The following STIMATE variants were observed in gnomAD, a reference collection of about 807,000 sequenced individuals.
The protein encoded by STIMATE is store-operated calcium entry regulator STIMATE.
In STIMATE, 15 loss-of-function variants were observed where a neutral mutation model predicts 36.7. The ratio of observed to expected loss-of-function variants is 0.41; its 90% CI spans 0.27 to 0.63. STIMATE has a LOEUF of 0.63. Among genes scored for constraint, STIMATE ranks in the 20% least tolerant of loss-of-function variants. STIMATE has a pLI of 0.32. For missense variants in STIMATE, 305 were observed against 397.3 expected (o/e 0.77, Z 1.98); for synonymous variants, 163 against 162.3 (o/e 1.00, Z -0.03).
rs6445539 is a variant in STIMATE, at chr3:52,840,280, G to A, written c.*214C>T. The A allele has an allele frequency of 0.24, 123,182 of 508,722 alleles. 16,350 individuals carry two copies. The highest frequency in any genetic ancestry group is 0.39 in the Admixed American group (11,342 of 28,790). The allele number at this position is 508,722 out of a possible 1,614,324, so 31.5% of individuals were successfully genotyped here. ...AGTGTTTGTAGTGCAACTGAATGGGGACCTCCAGCCGCCAGTGGCCCCCTC... is the reference window on the plus strand; with the variant it reads ...AGTGTTTGTAGTGCAACTGAATGGGAACCTCCAGCCGCCAGTGGCCCCCTC... On this transcript the variant is annotated 3_prime_UTR_variant, in exon 8 of 8. Coordinates refer to ENST00000355083, the MANE Select transcript of STIMATE (RefSeq NM_198563.5).
intron 1 of STIMATE, among the ~76,000 whole-genome samples, chr3:52,896,812 T>G (rs1701871657): frequency 6.6e-6 from 1 of 151,924 alleles, no homozygotes; most frequent in African/African-American, 2.4e-5. Context: ...CTCCAGGTGT[T>G]GAGAGGGATG....
chr3:52,857,981 A>G (rs1259257478), intron 1 of STIMATE, among the ~76,000 whole-genome samples: 2 of 152,172 alleles, frequency 1.3e-5, no homozygotes, highest in African/African-American at 4.8e-5. Context: ...AGATTAGGAC[A>G]CAGATGTGTG....
intron 1 of STIMATE, among the ~76,000 whole-genome samples, chr3:52,866,500 G>A (rs1468259968): frequency 6.6e-6 from 1 of 152,196 alleles, no homozygotes; most frequent in Middle Eastern, 3.2e-3. Context: ...GGGTGTGGTG[G>A]TGCTCACTCT....
intron 1 of STIMATE, among the ~76,000 whole-genome samples, chr3:52,894,266 A>G (rs558824186): frequency 1.2e-4 from 18 of 152,284 alleles, no homozygotes; most frequent in South Asian, 4.1e-4. Context: ...TGGAGCCTCT[A>G]GGAAGCCCGC....
At chr3:52,845,049 C>CAT in intron 4 of STIMATE, 108 bp from the exon 5 acceptor site, 1 of 1,106,642 alleles carries the variant, frequency 9.0e-7, no homozygotes, top group Non-Finnish European at 1.3e-6. Context: ...CTCTAAAGCT[C>CAT]TAAAGGTACT....
At chr3:52,874,489 TGA>T (rs1199969020) in intron 1 of STIMATE, among the ~76,000 whole-genome samples, 3 of 152,250 alleles carry the variant, frequency 2.0e-5, no homozygotes, top group African/African-American at 7.2e-5. Context: ...TACAGTGAAC[TGA>T]ACTTTCACTT....
At chr3:52,844,672 G>A (rs1700862878) in intron 5 of STIMATE, among the ~76,000 whole-genome samples, 157 bp downstream of exon 5, 1 of 152,192 alleles carries the variant, frequency 6.6e-6, no homozygotes, top group Non-Finnish European at 1.5e-5. Context: ...GAATTGACAA[G>A]CTCTTTGGAG....
Position 52,840,378 on chromosome 3 carries a change from A to G in STIMATE, c.*116T>C. On this transcript the variant is annotated 3_prime_UTR_variant, in exon 8 of 8. Coordinates refer to ENST00000355083, the MANE Select transcript of STIMATE (RefSeq NM_198563.5). ...CAGGCGAGAGCGGGCAGAGACAGCA[A>G]GAGGAGCAGAGGTAGAAAGGAAGGG... 8.5e-7 allele frequency: 1 copy of G among 1,180,306 alleles called. No individual in the cohort carries two copies. Among genetic ancestry groups the G allele is most frequent in the Non-Finnish European group, 1.2e-6 (1 of 832,720 alleles). 73.1% of individuals were successfully genotyped at this position (1,180,306 alleles called of 1,614,324 possible).
At chr3:52,876,410 A>G (rs1701503915) in intron 1 of STIMATE, among the ~76,000 whole-genome samples, 1 of 152,254 alleles carries the variant, frequency 6.6e-6, no homozygotes, top group African/African-American at 2.4e-5. Flanking sequence ...GCATTATCGA[A>G]AAACAAGAAT....
chr3:52,856,798 T>C (rs1219495254), intron 1 of STIMATE, among the ~76,000 whole-genome samples: 2 of 152,252 alleles, frequency 1.3e-5, no homozygotes, highest in Non-Finnish European at 2.9e-5. Flanking sequence ...ACTTGCCCGA[T>C]TTACGTCTGA....
At chr3:52,849,703 G>A in intron 4 of STIMATE, 89 bp downstream of exon 4, 1 of 1,516,298 alleles carries the variant, frequency 6.6e-7, no homozygotes, top group Non-Finnish European at 8.8e-7. Context: ...GCCATTTCTG[G>A]ATCTGTTTGC....
chr3:52,859,531 A>AATTTT lies in STIMATE; in HGVS notation c.161-4088_161-4087insAAAAT. ...AAAAAAAAAAAAAAAAAAAAAAAAA[A>AATTTT]TTTTTTTTTTTTTTTTTTTTTTGCT... On this transcript the variant is annotated intron_variant, in intron 1 of 7. Transcript: ENST00000355083. Among the ~76,000 whole-genome samples, 41 of 18,838 alleles carry AATTTT rather than the reference A, an allele frequency of 2.2e-3. 1 individual carries two copies. The highest frequency in any genetic ancestry group is 3.2e-3 in the Non-Finnish European group (27 of 8,554). The allele number at this position is 18,838 out of a possible 152,430, so 12.4% of individuals were successfully genotyped here.
At chr3:52,876,682 T>C (rs962752543) in intron 1 of STIMATE, among the ~76,000 whole-genome samples, 4 of 152,258 alleles carry the variant, frequency 2.6e-5, no homozygotes, top group Admixed American at 6.5e-5. Flanking sequence ...TCCTTATGAT[T>C]TTTCTTACTA....
intron 1 of STIMATE, among the ~76,000 whole-genome samples, chr3:52,885,231 C>T (rs1437173263): frequency 6.6e-6 from 1 of 152,094 alleles, no homozygotes; most frequent in African/African-American, 2.4e-5. Flanking sequence ...GGAGAAATGT[C>T]TTCAGATCCT....
chr3:52,897,291 G>T lies in STIMATE; in HGVS notation c.160C>A (p.Leu54Ile), dbSNP rs865793661. The T allele has an allele frequency of 6.5e-7, 1 of 1,548,416 alleles. No individual in the cohort carries two copies. The change falls in exon 1 of 8, where the codon CTC becomes ATC. Residue 54 changes from leucine to isoleucine, a missense_variant and splice_region_variant. This residue lies in a region of STIMATE where 164 missense variants were observed against 257.9 expected (regional missense o/e 0.64). Coordinates refer to ENST00000355083, the MANE Select transcript of STIMATE (RefSeq NM_198563.5). Reference protein sequence around the residue: ...LGVVAFSTLMLKRFREPKHER... With the variant: ...LGVVAFSTLMIKRFREPKHER... ...GAGGGTCGGGGGGTCCCAGACTCACGCATTAACGTGCTGAAGGCCACGACG... is the reference window on the plus strand; with the variant it reads ...GAGGGTCGGGGGGTCCCAGACTCACTCATTAACGTGCTGAAGGCCACGACG...
Position 52,890,822 on chromosome 3 carries a change from C to T in STIMATE, c.160+6469G>A, listed in dbSNP as rs529185867. ...GAAGCCACCCAGAGCCCTGCAGACCCTTCCTCACCAGCGAGTAAAGGGACT... is the reference window on the plus strand; with the variant it reads ...GAAGCCACCCAGAGCCCTGCAGACCTTTCCTCACCAGCGAGTAAAGGGACT... On this transcript the variant is annotated intron_variant, in intron 1 of 7. Transcript: ENST00000355083. Among the ~76,000 whole-genome samples the T allele has an allele frequency of 2.0e-5, 3 of 152,324 alleles. 1 individual carries two copies. The highest frequency in any genetic ancestry group is 1.5e-5 in the Non-Finnish European group (1 of 68,030).
At chr3:52,852,368 G>A (rs919504943) in intron 3 of STIMATE, among the ~76,000 whole-genome samples, 2 of 152,218 alleles carry the variant, frequency 1.3e-5, no homozygotes, top group Non-Finnish European at 2.9e-5. Context: ...TTGATGAACA[G>A]AAAGCCAGTG....
intron 1 of STIMATE, among the ~76,000 whole-genome samples, chr3:52,873,303 A>C (rs1008812544): frequency 1.3e-5 from 2 of 152,230 alleles, no homozygotes; most frequent in Non-Finnish European, 2.9e-5. Context: ...TGATGGAAAG[A>C]AATACAAATT....
intron 7 of STIMATE, among the ~76,000 whole-genome samples, chr3:52,841,306 G>A (rs1700793980): frequency 6.6e-6 from 1 of 152,272 alleles, no homozygotes. Flanking sequence ...GAGGCAGACT[G>A]AAAAGCCCCT....
Sources: gnomAD v4.1 joint callset for allele counts (sites outside exome capture counted in the v4.1 genomes callset) on GRCh38, gnomAD v4.1.1 for gene constraint, gnomAD v4.1.1 regional missense constraint, MANE v1.5 for transcripts, NCBI Gene and HGNC (gene_info 2026-07-23, HGNC 2026-07-21) for gene names.